PARD3B: variants seen among roughly 807,000 people sequenced by gnomAD.
PARD3B encodes the protein partitioning defective 3 homolog B.
In PARD3B, 103 loss-of-function variants were observed where a neutral mutation model predicts 130.2. The ratio of observed to expected loss-of-function variants is 0.79; its 90% CI spans 0.67 to 0.93. The LOEUF is 0.93. Among genes scored for constraint, PARD3B ranks in the 40% least tolerant of loss-of-function variants. PARD3B has a pLI of 0.00. For missense variants in PARD3B, 1,609 were observed against 1,499.2 expected, an observed-to-expected ratio of 1.07 and a Z score of -1.21; for synonymous variants, 583 against 553.2, an observed-to-expected ratio of 1.05 and a Z score of -0.76.
chr2:204,576,252 G>A (rs1213793847), intron 1 of PARD3B, among the ~76,000 whole-genome samples: 2 of 152,102 alleles, frequency 1.3e-5, no homozygotes, highest in Non-Finnish European at 2.9e-5. Context: ...AGCAGGCTGG[G>A]GTGCTGCTAT....
intron 21 of PARD3B, among the ~76,000 whole-genome samples, chr2:205,551,129 G>A (rs1259662374): frequency 1.3e-5 from 2 of 151,248 alleles, no homozygotes. Context: ...TATTAACTTG[G>A]AATTTTATAG....
intron 20 of PARD3B, among the ~76,000 whole-genome samples, chr2:205,478,379 A>C (rs1301822279): frequency 1.3e-5 from 2 of 152,188 alleles, no homozygotes; most frequent in Non-Finnish European, 2.9e-5. Context: ...TAGGTTGTTG[A>C]ATTTTAAATT....
At chr2:205,486,004 C>A (rs2049425572) in intron 20 of PARD3B, among the ~76,000 whole-genome samples, 1 of 152,140 alleles carries the variant, frequency 6.6e-6, no homozygotes, top group Non-Finnish European at 1.5e-5. Flanking sequence ...ACTGTGAAAT[C>A]CCTGAGGGTC....
intron 2 of PARD3B, among the ~76,000 whole-genome samples, chr2:204,798,127 A>G (rs2042437640): frequency 6.6e-6 from 1 of 152,158 alleles, no homozygotes; most frequent in Non-Finnish European, 1.5e-5. Flanking sequence ...ATATCACAGA[A>G]AAGGAAGAGG....
chr2:205,162,022 T>C (rs919876069), intron 11 of PARD3B, among the ~76,000 whole-genome samples: 3 of 152,214 alleles, frequency 2.0e-5, no homozygotes, highest in Non-Finnish European at 4.4e-5. Context: ...CATTGCTTTG[T>C]TTTGTTTTGT....
At chr2:204,950,835 CTTTG>C (rs1185494610) in intron 2 of PARD3B, among the ~76,000 whole-genome samples, 3 of 152,104 alleles carry the variant, frequency 2.0e-5, no homozygotes, top group Admixed American at 6.6e-5. Flanking sequence ...CCCTGTTTTT[CTTTG>C]TTTGTTTTTT....
chr2:205,056,970 G>A (rs1699678695), intron 4 of PARD3B, among the ~76,000 whole-genome samples: 1 of 149,390 alleles, frequency 6.7e-6, no homozygotes, highest in Non-Finnish European at 1.5e-5. Context: ...AGACCCAAAG[G>A]CATCAAAGCG....
chr2:205,350,584 T>C (rs1440494271), intron 18 of PARD3B, among the ~76,000 whole-genome samples: 1 of 152,228 alleles, frequency 6.6e-6, no homozygotes, highest in Non-Finnish European at 1.5e-5. Flanking sequence ...CTTTCCAAAA[T>C]AGTATTTTCT....
chr2:205,305,063 G>C (rs533270111), intron 18 of PARD3B, among the ~76,000 whole-genome samples: 4 of 152,228 alleles, frequency 2.6e-5, no homozygotes, highest in Non-Finnish European at 5.9e-5. Context: ...AAGGGCATTT[G>C]AGTGAGATGA....
At chr2:204,609,670 T>G (rs529581286) in intron 1 of PARD3B, among the ~76,000 whole-genome samples, 2 of 152,064 alleles carry the variant, frequency 1.3e-5, no homozygotes, top group African/African-American at 4.8e-5. Context: ...TAAGGGGAGT[T>G]ATATAGTCCA....
rs900479821 is a variant in PARD3B, at chr2:204,689,955, A to G, written c.222+3673A>G. On this transcript the variant is annotated intron_variant, in intron 2 of 22. Transcript: ENST00000406610. The surrounding 1 kb of genome is among the most constrained non-coding windows in gnomAD (Gnocchi z 5.2). ...CCACCATTGCTAAGAAAAGGTTGGTAATAGACCAAACTGTTGAGTATAACA... is the reference window on the plus strand; with the variant it reads ...CCACCATTGCTAAGAAAAGGTTGGTGATAGACCAAACTGTTGAGTATAACA... Among the ~76,000 whole-genome samples the G allele has an allele frequency of 6.6e-6, 1 of 152,224 alleles. No homozygotes were observed. The highest frequency in any genetic ancestry group is 1.5e-5 in the Non-Finnish European group (1 of 68,032).
At chr2:204,916,833 G>A (rs2047465700) in intron 2 of PARD3B, among the ~76,000 whole-genome samples, 1 of 152,074 alleles carries the variant, frequency 6.6e-6, no homozygotes, top group Non-Finnish European at 1.5e-5. Context: ...CCACTCTTGA[G>A]CTTTTACAAT....
At chr2:205,385,803 A>G (rs2045641328) in intron 18 of PARD3B, among the ~76,000 whole-genome samples, 1 of 152,128 alleles carries the variant, frequency 6.6e-6, no homozygotes, top group Admixed American at 6.6e-5. Context: ...AAATGCATAT[A>G]TACGTACATA....
chr2:204,939,020 T>C (rs972112715), intron 2 of PARD3B, among the ~76,000 whole-genome samples: 3 of 152,186 alleles, frequency 2.0e-5, no homozygotes, highest in Admixed American at 6.5e-5. Flanking sequence ...TGGCATCAAA[T>C]GTACGAAACA....
chr2:205,609,787 C>A (rs1264136336), intron 22 of PARD3B, among the ~76,000 whole-genome samples: 1 of 152,184 alleles, frequency 6.6e-6, no homozygotes, highest in Non-Finnish European at 1.5e-5. Context: ...AAACTATCTT[C>A]TAGTTGCTGA....
intron 10 of PARD3B, among the ~76,000 whole-genome samples, chr2:205,141,164 T>G (rs968246054): frequency 4.6e-5 from 7 of 152,236 alleles, no homozygotes; most frequent in Non-Finnish European, 1.5e-5. Flanking sequence ...TTCTGAATTA[T>G]CTGTACCTAA....
intron 2 of PARD3B, among the ~76,000 whole-genome samples, chr2:204,853,186 C>A (rs1198585059): frequency 6.6e-6 from 1 of 151,700 alleles, no homozygotes. Flanking sequence ...TATTCTAGCT[C>A]CGATTTGATA....
chr2:204,813,527 A>G (rs1487730314), intron 2 of PARD3B, among the ~76,000 whole-genome samples: 1 of 152,050 alleles, frequency 6.6e-6, no homozygotes, highest in Admixed American at 6.5e-5. Flanking sequence ...TTTTATTTTC[A>G]TGATGTTCAA....
chr2:205,540,530 G>T (rs113348976), intron 21 of PARD3B, among the ~76,000 whole-genome samples: 30 of 152,122 alleles, frequency 2.0e-4, no homozygotes, highest in African/African-American at 7.2e-4. Flanking sequence ...GAGCCCTTCG[G>T]ACAGGTTTTT....
Sources: allele counts gnomAD v4.1 joint callset (sites outside exome capture counted in the v4.1 genomes callset), GRCh38; gene constraint gnomAD v4.1.1; non-coding constraint Gnocchi (gnomAD v3.1); transcripts MANE v1.5; gene names NCBI Gene and HGNC (gene_info 2026-07-23, HGNC 2026-07-21).